The following SMIM35 variants were observed in gnomAD, a reference collection of about 807,000 sequenced individuals.
SMIM35 encodes small integral membrane protein 35, also known as TMPRSS4 antisense RNA 1 (non-protein coding).
intron 4 of SMIM35, among the ~76,000 whole-genome samples, chr11:118,013,053 T>A (rs909121155): frequency 4.6e-5 from 7 of 152,118 alleles, no homozygotes; most frequent in Non-Finnish European, 7.4e-5. Flanking sequence ...CCTCTTTTAG[T>A]TCTGAGAGAA....
intron 1 of SMIM35, among the ~76,000 whole-genome samples, chr11:118,039,189 G>A (rs923956059): frequency 6.6e-6 from 1 of 152,156 alleles, no homozygotes. Context: ...AGACCAACTG[G>A]GAGGCAAGAG....
At chr11:118,042,068 A>AAGAAAG (rs1555073519) in intron 1 of SMIM35, among the ~76,000 whole-genome samples, 6 of 117,892 alleles carry the variant, frequency 5.1e-5, no homozygotes, top group African/African-American at 2.0e-4. Context: ...AAAAAAAAAA[A>AAGAAAG]AGAGAGAGAG....
intron 1 of SMIM35, among the ~76,000 whole-genome samples, chr11:118,085,599 G>A (rs1322454755): frequency 6.6e-6 from 1 of 152,118 alleles, no homozygotes; most frequent in Non-Finnish European, 1.5e-5. Flanking sequence ...TTAAATTAAC[G>A]TCAGACTGCT....
intron 1 of SMIM35, among the ~76,000 whole-genome samples, chr11:118,060,263 G>A (rs935047334): frequency 6.6e-6 from 1 of 152,204 alleles, no homozygotes; most frequent in Admixed American, 6.5e-5. Flanking sequence ...TCAGGTGAAC[G>A]GGGATGGGGT....
intron 1 of SMIM35, among the ~76,000 whole-genome samples, chr11:118,085,725 A>G (rs1415549197): frequency 6.6e-6 from 1 of 152,200 alleles, no homozygotes; most frequent in Non-Finnish European, 1.5e-5. Context: ...TGCCAGGCTG[A>G]AAGGCTGAAC....
At chr11:118,015,860 A>C (rs1461771255) in intron 1 of SMIM35, 51 bp from the exon 2 acceptor site, 1 of 399,002 alleles carries the variant, frequency 2.5e-6, no homozygotes, top group Non-Finnish European at 4.4e-6. Flanking sequence ...GCATCAACCC[A>C]CCTGCACCAC....
At chr11:118,077,935 C>A (rs1303905961) in intron 1 of SMIM35, among the ~76,000 whole-genome samples, 1 of 134,066 alleles carries the variant, frequency 7.5e-6, no homozygotes, top group East Asian at 2.4e-4. Flanking sequence ...ATCGCTTGAA[C>A]TTGGGAGGCG....
intron 4 of SMIM35, among the ~76,000 whole-genome samples, chr11:118,009,556 A>G (rs1186597976): frequency 6.6e-6 from 1 of 152,194 alleles, no homozygotes; most frequent in Non-Finnish European, 1.5e-5. Context: ...GGAAAGGCTA[A>G]GTAATGCTTA....
intron 1 of SMIM35, among the ~76,000 whole-genome samples, chr11:118,023,361 A>G (rs1175932796): frequency 6.6e-6 from 1 of 151,730 alleles, no homozygotes; most frequent in Non-Finnish European, 1.5e-5. Flanking sequence ...TTTCTATTTT[A>G]TTATTATTAT....
intron 1 of SMIM35, 91 bp from the exon 2 acceptor site, chr11:118,015,900 C>T (rs2058178505): frequency 2.5e-6 from 1 of 398,752 alleles, no homozygotes. Context: ...TTCCCACTGC[C>T]TACCAACATA....
intron 1 of SMIM35, among the ~76,000 whole-genome samples, chr11:118,026,722 C>T (rs892296581): frequency 1.3e-5 from 2 of 152,124 alleles, no homozygotes; most frequent in Non-Finnish European, 2.9e-5. Flanking sequence ...ATCCTCAGCA[C>T]TTTGGGAGAC....
intron 1 of SMIM35, among the ~76,000 whole-genome samples, chr11:118,064,246 G>A (rs1353883713): frequency 1.3e-5 from 2 of 152,156 alleles, no homozygotes; most frequent in Non-Finnish European, 2.9e-5. Context: ...TTGAGTTTGA[G>A]TTTTTTCCTA....
Position 118,007,874 on chromosome 11 carries a change from C to CTT in SMIM35, c.*34-1500_*34-1499dup, listed in dbSNP as rs796585421. ...GATTTGTTTTTCAACTTCTTGCTTT[C>CTT]TTTTTTTTTTTTTCTTTTGACAGTC... On this transcript the variant is annotated intron_variant, in intron 4 of 4. Transcript: ENST00000689828. Among the ~76,000 whole-genome samples the CTT allele has an allele frequency of 2.4e-3, 347 of 145,056 alleles. 1 individual carries two copies. Among genetic ancestry groups the CTT allele is most frequent in the African/African-American group, 8.1e-3 (321 of 39,864 alleles).
At chr11:118,028,657 T>C (rs2058293289) in intron 1 of SMIM35, 2 of 235,300 alleles carry the variant, frequency 8.5e-6, no homozygotes, top group Admixed American at 5.2e-5. Flanking sequence ...TAAAATTTAC[T>C]TAGAATGATG....
At chr11:118,077,213 C>G (rs1944724660) in intron 1 of SMIM35, 3 of 1,532,562 alleles carry the variant, frequency 2.0e-6, no homozygotes, top group Non-Finnish European at 2.7e-6. Context: ...GCTGGCCAGC[C>G]AGGACCTGTG....
intron 1 of SMIM35, among the ~76,000 whole-genome samples, chr11:118,069,371 T>C (rs1315666850): frequency 6.6e-6 from 1 of 152,200 alleles, no homozygotes; most frequent in East Asian, 1.9e-4. Context: ...GCCTGAACTA[T>C]TGGCACTGTC....
chr11:118,063,309 T>C (rs1469640719), intron 1 of SMIM35, among the ~76,000 whole-genome samples: 2 of 152,232 alleles, frequency 1.3e-5, no homozygotes, highest in Non-Finnish European at 2.9e-5. Flanking sequence ...ACCCCTTTCC[T>C]ATAACACTTC....
At chr11:118,053,653 T>G (rs1944259434) in intron 1 of SMIM35, among the ~76,000 whole-genome samples, 1 of 152,208 alleles carries the variant, frequency 6.6e-6, no homozygotes, top group Non-Finnish European at 1.5e-5. Flanking sequence ...ACATCCAGCA[T>G]AGCTCTTTAA....
At chr11:118,070,599 C>T (rs1470384304) in intron 1 of SMIM35, among the ~76,000 whole-genome samples, 1 of 152,206 alleles carries the variant, frequency 6.6e-6, no homozygotes, top group Non-Finnish European at 1.5e-5. Context: ...GTCTTCTAAC[C>T]CTTGGGCTGC....
Sources: gnomAD v4.1 joint callset for allele counts (sites outside exome capture counted in the v4.1 genomes callset) on GRCh38, gnomAD v4.1.1 for gene constraint, MANE v1.5 for transcripts, NCBI Gene and HGNC (gene_info 2026-07-23, HGNC 2026-07-21) for gene names.